The following ODF2L variants were observed in gnomAD, a reference collection of about 807,000 sequenced individuals.
ODF2L encodes the protein outer dense fiber of sperm tails 2 like.
ODF2L carries 76 observed loss-of-function variants against 86.3 expected under a neutral mutation model. The ratio of observed to expected loss-of-function variants is 0.88; its 90% CI spans 0.73 to 1.07. ODF2L has a LOEUF of 1.07. ODF2L is among the 50% of genes least tolerant of loss of function. The pLI, the probability that ODF2L is intolerant of heterozygous loss-of-function variation, is 0.00. For missense variants in ODF2L, 748 were observed against 717.4 expected, an observed-to-expected ratio of 1.04 and a Z score of -0.49; for synonymous variants, 241 against 231.3, an observed-to-expected ratio of 1.04 and a Z score of -0.38.
intron 11 of ODF2L, chr1:86,360,802 A>G (rs1658980650): frequency 4.6e-6 from 1 of 215,598 alleles, no homozygotes. Flanking sequence ...GTGCCTAGAT[A>G]TGAAAAATCA....
intron 4 of ODF2L, among the ~76,000 whole-genome samples, chr1:86,384,056 T>C (rs1295806079): frequency 6.6e-6 from 1 of 151,820 alleles, no homozygotes; most frequent in East Asian, 1.9e-4. Flanking sequence ...AAGAGAATAT[T>C]TCTCTGCTTA....
chr1:86,369,395 A>G (rs766537175), intron 10 of ODF2L, among the ~76,000 whole-genome samples: 1 of 152,208 alleles, frequency 6.6e-6, no homozygotes. Flanking sequence ...GCTACTTCCT[A>G]TAACGTATAT....
intron 17 of ODF2L, among the ~76,000 whole-genome samples, chr1:86,352,505 ACT>A (rs1451837140): frequency 2.0e-5 from 3 of 152,148 alleles, no homozygotes; most frequent in Non-Finnish European, 4.4e-5. Context: ...TATAAAACTC[ACT>A]TGTAATAATA....
intron 11 of ODF2L, among the ~76,000 whole-genome samples, chr1:86,362,542 T>C (rs549034899): frequency 6.6e-6 from 1 of 152,244 alleles, no homozygotes; most frequent in South Asian, 2.1e-4. Flanking sequence ...CCTCCCACAT[T>C]GCCTTCCTGA....
intron 1 of ODF2L, among the ~76,000 whole-genome samples, chr1:86,391,122 T>C (rs1257955364): frequency 6.6e-6 from 1 of 152,108 alleles, no homozygotes; most frequent in Non-Finnish European, 1.5e-5. Context: ...CTTAGGAATA[T>C]ACCTAACCAA....
At chr1:86,385,437 A>T in intron 3 of ODF2L, 21 bp downstream of exon 3, 4 of 1,452,504 alleles carry the variant, frequency 2.8e-6, no homozygotes, top group Non-Finnish European at 3.8e-6. Flanking sequence ...TCATTTTATT[A>T]TATATTCATA....
chr1:86,356,631 C>T, intron 13 of ODF2L, 29 bp from the exon 13 acceptor site: 1 of 1,587,196 alleles, frequency 6.3e-7, no homozygotes, highest in Non-Finnish European at 8.6e-7. Flanking sequence ...GAAATAAGTG[C>T]AAGATCACAC....
At chr1:86,363,884 A>G (rs997983194) in intron 11 of ODF2L, among the ~76,000 whole-genome samples, 3 of 152,104 alleles carry the variant, frequency 2.0e-5, no homozygotes, top group Non-Finnish European at 4.4e-5. Flanking sequence ...CAGTACTCAC[A>G]GTTTATTTTT....
intron 11 of ODF2L, among the ~76,000 whole-genome samples, chr1:86,363,208 T>C (rs1659168701): frequency 6.6e-6 from 1 of 152,192 alleles, no homozygotes; most frequent in African/African-American, 2.4e-5. Flanking sequence ...TGAGGAAAAC[T>C]GTAGGATTTA....
chr1:86,371,293 T>C (rs1659767586), intron 9 of ODF2L, 140 bp from the exon 10 acceptor site: 2 of 459,518 alleles, frequency 4.4e-6, no homozygotes, highest in South Asian at 4.8e-5. Flanking sequence ...ATAGAACTCA[T>C]AGAACAAGAA....
At chr1:86,355,116 C>G (rs932170559) in intron 14 of ODF2L, 1 of 543,892 alleles carries the variant, frequency 1.8e-6, no homozygotes, top group Non-Finnish European at 3.3e-6. Flanking sequence ...TATTAAAACA[C>G]TTTGAACAAC....
In ODF2L at chr1:86,372,419, A is replaced by T. The variant is rs1334579095; in HGVS notation, c.920+12T>A. The T allele has an allele frequency of 5.7e-6, 7 of 1,218,040 alleles. No homozygotes were observed. The highest frequency in any genetic ancestry group is 7.7e-6 in the Non-Finnish European group (7 of 903,562). The allele number at this position is 1,218,040 out of a possible 1,614,324, so 75.5% of individuals were successfully genotyped here. On this transcript the variant is annotated intron_variant, in intron 9 of 17. Coordinates refer to ENST00000317336, the Ensembl canonical transcript of ODF2L. ...CTTACTAAATAATAAAATATTCTAAATTTTTTCTTACTTTTTCATTGTTTC... is the reference window on the plus strand; with the variant it reads ...CTTACTAAATAATAAAATATTCTAATTTTTTTCTTACTTTTTCATTGTTTC...
At chr1:86,357,455 T>C (rs1478469730) in intron 13 of ODF2L, among the ~76,000 whole-genome samples, 1 of 151,706 alleles carries the variant, frequency 6.6e-6, no homozygotes, top group Non-Finnish European at 1.5e-5. Context: ...CTTGTCGCCA[T>C]CCTTGGACTG....
At chr1:86,359,797 T>A (rs548838267) in intron 12 of ODF2L, among the ~76,000 whole-genome samples, 144 of 152,142 alleles carry the variant, frequency 9.5e-4, no homozygotes, top group East Asian at 1.9e-3. Flanking sequence ...GGATTACAGG[T>A]GTACGCCACT....
chr1:86,348,232 A>G (rs1244577614), downstream of ODF2L: 1 of 152,136 alleles, frequency 6.6e-6, no homozygotes, highest in Non-Finnish European at 1.5e-5. Flanking sequence ...AACAGAAATT[A>G]TAATGGCAAC....
At chr1:86,380,551 C>A (rs904884085) in intron 7 of ODF2L, among the ~76,000 whole-genome samples, 1 of 152,048 alleles carries the variant, frequency 6.6e-6, no homozygotes, top group Non-Finnish European at 1.5e-5. Flanking sequence ...AACATAGTTC[C>A]AGACACGATC....
intron 8 of ODF2L, among the ~76,000 whole-genome samples, chr1:86,375,344 A>C (rs531422110): frequency 3.5e-4 from 53 of 152,270 alleles, no homozygotes; most frequent in African/African-American, 1.3e-3. Context: ...TGAGATAGGG[A>C]GTATTATGAT....
chr1:86,361,253 T>C (rs1173170918), intron 11 of ODF2L, among the ~76,000 whole-genome samples: 1 of 152,208 alleles, frequency 6.6e-6, no homozygotes, highest in Non-Finnish European at 1.5e-5. Flanking sequence ...AGCAAGACTG[T>C]CAGCATTTGT....
exon 5 of ODF2L, chr1:86,383,185 A>G: frequency 6.4e-7 from 1 of 1,562,462 alleles, no homozygotes; most frequent in Non-Finnish European, 8.7e-7. Context: ...TGCTGGATAA[A>G]TTGTCTCCTG....
Sources: allele counts gnomAD v4.1 joint callset (sites outside exome capture counted in the v4.1 genomes callset), GRCh38; gene constraint gnomAD v4.1.1; transcripts MANE v1.5; gene names NCBI Gene and HGNC (gene_info 2026-07-23, HGNC 2026-07-21).